The following SYT15B variants were observed in gnomAD, a reference collection of about 807,000 sequenced individuals.
The protein encoded by SYT15B is synaptotagmin 15B.
chr10:47,760,944 G>A, the SYT15B span: 2 of 1,517,902 alleles, frequency 1.3e-6, no homozygotes, highest in Non-Finnish European at 1.8e-6. Flanking sequence ...CCAGAGTCAG[G>A]GAGACAACAT....
the SYT15B span, among the ~76,000 whole-genome samples, chr10:47,762,138 T>C: frequency 6.8e-6 from 1 of 146,148 alleles, no homozygotes; most frequent in East Asian, 2.1e-4. Flanking sequence ...GGCTGGACTC[T>C]TCTCTAACAC....
chr10:47,755,539 G>GCCACC, the SYT15B span, among the ~76,000 whole-genome samples: 1 of 144,992 alleles, frequency 6.9e-6, no homozygotes, highest in African/African-American at 2.6e-5. Context: ...ACAGGTGTGA[G>GCCACC]CCACCGTGCC....
the SYT15B span, among the ~76,000 whole-genome samples, chr10:47,756,385 A>G: frequency 3.5e-5 from 4 of 115,500 alleles, no homozygotes; most frequent in South Asian, 1.1e-3. Context: ...AAGCCGGCTG[A>G]GGAGTGCACT....
At chr10:47,748,232 G>A in the SYT15B span, among the ~76,000 whole-genome samples, 3 of 146,574 alleles carry the variant, frequency 2.0e-5, no homozygotes, top group Non-Finnish European at 3.0e-5. Context: ...TTTTTGAGAC[G>A]GAGTTTTTCT....
the SYT15B span, among the ~76,000 whole-genome samples, chr10:47,747,091 C>T: frequency 7.0e-6 from 1 of 142,864 alleles, no homozygotes; most frequent in Non-Finnish European, 1.5e-5. Context: ...AGAAGAAAAA[C>T]ACAAGGAGGC....
chr10:47,747,974 A>G, the SYT15B span, among the ~76,000 whole-genome samples: 120 of 152,168 alleles, frequency 7.9e-4, no homozygotes, highest in African/African-American at 2.8e-3. Context: ...TAAAAACTCT[A>G]AGCTGAAGAA....
the SYT15B span, among the ~76,000 whole-genome samples, chr10:47,749,353 A>G: frequency 1.3e-5 from 2 of 151,362 alleles, no homozygotes. Flanking sequence ...CTATGATAGA[A>G]TCACAGAAAT....
the SYT15B span, among the ~76,000 whole-genome samples, chr10:47,748,860 TTCCTC>T: frequency 6.8e-6 from 1 of 147,070 alleles, no homozygotes; most frequent in Non-Finnish European, 1.5e-5. Context: ...CATTCTGAAG[TTCCTC>T]AAAGAAAAAA....
At chr10:47,762,528 C>CGGGCA in the SYT15B span, 89 of 318,290 alleles carry the variant, frequency 2.8e-4, no homozygotes, top group African/African-American at 1.7e-3. Flanking sequence ...GCGCCGAGGC[C>CGGGCA]GGGCAGGGCA....
chr10:47,762,893 A>G, the SYT15B span: 48 of 1,430,860 alleles, frequency 3.4e-5, no homozygotes, highest in Non-Finnish European at 4.2e-5. Flanking sequence ...CGCAGAGCCG[A>G]CCGTGAGCTC....
chr10:47,754,978 GAC>G, the SYT15B span, among the ~76,000 whole-genome samples: 1 of 72,254 alleles, frequency 1.4e-5, no homozygotes, highest in Non-Finnish European at 2.7e-5. Context: ...TTTTTTTTTT[GAC>G]AGAGTCTCGC....
chr10:47,751,363 A>G, the SYT15B span: 2 of 99,528 alleles, frequency 2.0e-5, no homozygotes, highest in African/African-American at 7.7e-5. Context: ...TATGATCTGG[A>G]TCACTTTTAT....
At chr10:47,749,245 A>AACAAAAAAAC in the SYT15B span, among the ~76,000 whole-genome samples, 1 of 103,224 alleles carries the variant, frequency 9.7e-6, no homozygotes, top group Admixed American at 1.2e-4. Flanking sequence ...AAAACAAGCA[A>AACAAAAAAAC]ACAAAAAAAC....
chr10:47,747,179 C>T, the SYT15B span, among the ~76,000 whole-genome samples: 9 of 151,548 alleles, frequency 5.9e-5, no homozygotes, highest in African/African-American at 1.5e-4. Flanking sequence ...TTTGGGCAGA[C>T]GGCCATAGCT....
the SYT15B span, among the ~76,000 whole-genome samples, chr10:47,745,012 G>T: frequency 7.2e-5 from 11 of 151,804 alleles, no homozygotes; most frequent in African/African-American, 2.7e-4. Flanking sequence ...CCCAAGCCTG[G>T]CCCAGGCTTG....
the SYT15B span, chr10:47,753,143 G>A: frequency 1.0e-6 from 1 of 978,614 alleles, no homozygotes; most frequent in Non-Finnish European, 1.2e-6. Flanking sequence ...AGAAAAAGAA[G>A]GAAAAAAGAG....
chr10:47,749,357 C>T, the SYT15B span, among the ~76,000 whole-genome samples: 4 of 150,482 alleles, frequency 2.7e-5, no homozygotes, highest in South Asian at 2.1e-4. Context: ...GATAGAATCA[C>T]AGAAATGCAG....
the SYT15B span, among the ~76,000 whole-genome samples, chr10:47,755,248 C>A: frequency 6.6e-6 from 1 of 150,966 alleles, no homozygotes; most frequent in East Asian, 2.0e-4. Flanking sequence ...AGCCACCGCA[C>A]CCAGCCAACC....
At chr10:47,756,785 G>A in the SYT15B span, among the ~76,000 whole-genome samples, 1 of 150,146 alleles carries the variant, frequency 6.7e-6, no homozygotes, top group African/African-American at 2.4e-5. Flanking sequence ...TGTATTCTGG[G>A]AGGCCAAGCA....
Sources: allele counts gnomAD v4.1 joint callset (sites outside exome capture counted in the v4.1 genomes callset), GRCh38; gene constraint gnomAD v4.1.1; transcripts MANE v1.5; gene names NCBI Gene and HGNC (gene_info 2026-07-23, HGNC 2026-07-21).